GDPD4: variants seen among roughly 807,000 people sequenced by gnomAD.
GDPD4 encodes glycerophosphodiester phosphodiesterase 6.
GDPD4 carries 60 observed loss-of-function variants against 67.8 expected under a neutral mutation model. The ratio of observed to expected loss-of-function variants is 0.88; its 90% CI spans 0.72 to 1.10. The LOEUF (loss-of-function observed/expected upper bound fraction) is 1.10. Ranked by LOEUF, GDPD4 falls within the 50% of genes least tolerant of loss-of-function variation. The pLI is 0.00. For synonymous variants in GDPD4, 212 were observed against 210.9 expected (o/e 1.00, Z -0.04); for missense variants, 623 against 613.9 (o/e 1.01, Z -0.16).
intron 3 of GDPD4, 43 bp from the exon 4 acceptor site, chr11:77,279,442 C>T (rs1473576883): frequency 1.6e-6 from 2 of 1,224,056 alleles, no homozygotes; most frequent in Non-Finnish European, 2.4e-6. Flanking sequence ...ATGCAGAAAT[C>T]AGTAGCATCT....
At chr11:77,226,573 A>G (rs981290192) in intron 16 of GDPD4, among the ~76,000 whole-genome samples, 2 of 152,222 alleles carry the variant, frequency 1.3e-5, no homozygotes, top group African/African-American at 4.8e-5. Context: ...TAGCCTCCAG[A>G]ACTGTGAGAA....
chr11:77,219,798 G>T, intron 16 of GDPD4, among the ~76,000 whole-genome samples: 1 of 152,228 alleles, frequency 6.6e-6, no homozygotes, highest in Non-Finnish European at 1.5e-5. Flanking sequence ...AGTATAGTTT[G>T]AAGTCAGGTA....
intron 13 of GDPD4, among the ~76,000 whole-genome samples, chr11:77,240,346 T>G (rs867700235): frequency 5.3e-5 from 8 of 152,162 alleles, no homozygotes; most frequent in South Asian, 2.1e-4. Flanking sequence ...TCGTTATAGT[T>G]AATTGAATTT....
At chr11:77,218,800 T>C (rs1038536374) in intron 16 of GDPD4, among the ~76,000 whole-genome samples, 1 of 151,336 alleles carries the variant, frequency 6.6e-6, no homozygotes, top group Non-Finnish European at 1.5e-5. Flanking sequence ...TGATGGACAT[T>C]TGGGTTGGTT....
At chr11:77,269,488 G>C (rs890496960) in intron 8 of GDPD4, among the ~76,000 whole-genome samples, 35 of 152,120 alleles carry the variant, frequency 2.3e-4, no homozygotes, top group African/African-American at 8.2e-4. Context: ...ATAGTGGAAA[G>C]GGCACTAATT....
Position 77,227,015 on chromosome 11 carries a change from G to A in GDPD4, c.1525+849C>T, listed in dbSNP as rs146161285. ...AATTAAATTAAATTCATGATTTTGT[G>A]ACTGTTCCAACTTTAATTAAGTCTC... is the stretch of plus-strand genomic sequence containing the variant. On this transcript the variant is annotated intron_variant, in intron 16 of 16. Coordinates refer to ENST00000315938, the MANE Select transcript of GDPD4 (RefSeq NM_182833.3). Among the ~76,000 whole-genome samples the A allele has an allele frequency of 7.0e-4, 106 of 152,260 alleles. No individual in the cohort carries two copies. In the East Asian group the frequency reaches 0.017, roughly 25 times the overall value.
At chr11:77,223,413 T>A (rs112850552) in intron 16 of GDPD4, among the ~76,000 whole-genome samples, 3,756 of 152,298 alleles carry the variant, frequency 0.025, 164 homozygotes, top group African/African-American at 0.085. Flanking sequence ...CCTTTCTGTT[T>A]GTTAGTTTTC....
chr11:77,283,984 T>C (rs550820079), intron 3 of GDPD4, among the ~76,000 whole-genome samples: 4 of 151,858 alleles, frequency 2.6e-5, no homozygotes, highest in Non-Finnish European at 5.9e-5. Context: ...GCCTTCTAAG[T>C]AGCTGGGACT....
chr11:77,239,794 C>G (rs905655776), intron 13 of GDPD4, among the ~76,000 whole-genome samples: 4 of 152,024 alleles, frequency 2.6e-5, no homozygotes, highest in Non-Finnish European at 5.9e-5. Context: ...AACCTGGTCT[C>G]TACTAAAAAT....
intron 16 of GDPD4, among the ~76,000 whole-genome samples, chr11:77,217,692 A>G (rs1958150577): frequency 6.6e-6 from 1 of 152,258 alleles, no homozygotes; most frequent in Admixed American, 6.5e-5. Flanking sequence ...TTGCCACTAC[A>G]TATACAGTGC....
chr11:77,271,692 G>C (rs751262523), intron 5 of GDPD4, among the ~76,000 whole-genome samples: 1 of 152,142 alleles, frequency 6.6e-6, no homozygotes, highest in Non-Finnish European at 1.5e-5. Context: ...CCTCAACATT[G>C]CTTGGTATCT....
Position 77,283,613 on chromosome 11 carries a change from G to A in GDPD4, c.53+1472C>T, listed in dbSNP as rs533802034. 1.1e-3 allele frequency among the ~76,000 whole-genome samples: 166 copies of A among 151,998 alleles called. 2 individuals are homozygous for A. The highest frequency in any genetic ancestry group is 2.2e-4 in the Non-Finnish European group (15 of 68,006). ...CTGGCCCATAAATGAAACTGCAGAT[G>A]AACCAGTGAGAAGGCTAACTGAAAA... is the stretch of plus-strand genomic sequence containing the variant. On this transcript the variant is annotated intron_variant, in intron 3 of 16. Coordinates refer to ENST00000315938, the MANE Select transcript of GDPD4 (RefSeq NM_182833.3).
In GDPD4 at chr11:77,270,522, C is replaced by G. The variant is rs1804874617; in HGVS notation, c.401-562G>C. Reference sequence around the variant, plus strand: ...CACGAGGTTAAGAGATTGAGACCATCCTGGCCAACATGGTAAAACCCCATC... The same window carrying G: ...CACGAGGTTAAGAGATTGAGACCATGCTGGCCAACATGGTAAAACCCCATC... On this transcript the variant is annotated intron_variant, in intron 7 of 16. Coordinates refer to ENST00000315938, the MANE Select transcript of GDPD4 (RefSeq NM_182833.3). 3.3e-5 allele frequency among the ~76,000 whole-genome samples: 5 copies of G among 152,082 alleles called. No homozygotes were observed. The South Asian group carries it at 1.0e-3, about 32-fold the overall frequency.
At chr11:77,264,104 T>C (rs1376051456) in intron 10 of GDPD4, among the ~76,000 whole-genome samples, 4 of 152,186 alleles carry the variant, frequency 2.6e-5, no homozygotes, top group Admixed American at 6.5e-5. Flanking sequence ...TGGGCTTTTA[T>C]GCTAAAAATT....
chr11:77,252,523 C>T (rs796912507), intron 11 of GDPD4, among the ~76,000 whole-genome samples: 12 of 152,164 alleles, frequency 7.9e-5, no homozygotes, highest in African/African-American at 1.4e-4. Context: ...ATTTCCTTTT[C>T]GTTCAGGTCT....
At chr11:77,264,685 G>C (rs982548094) in intron 10 of GDPD4, among the ~76,000 whole-genome samples, 1 of 152,004 alleles carries the variant, frequency 6.6e-6, no homozygotes, top group Non-Finnish European at 1.5e-5. Context: ...AGCCTGATTG[G>C]GATAGGCTCA....
At chr11:77,246,507 G>A (rs1958787919) in intron 11 of GDPD4, among the ~76,000 whole-genome samples, 1 of 152,178 alleles carries the variant, frequency 6.6e-6, no homozygotes, top group South Asian at 2.1e-4. Context: ...ACATGTCTTA[G>A]TACATTAAAG....
chr11:77,219,738 ATC>A (rs201106749), intron 16 of GDPD4, among the ~76,000 whole-genome samples: 1,119 of 87,006 alleles, frequency 0.013, 18 homozygotes, highest in African/African-American at 0.039. Flanking sequence ...ATTGGTCTAT[ATC>A]TCTGTTTTGG....
chr11:77,219,310 A>T (rs1958183742), intron 16 of GDPD4, among the ~76,000 whole-genome samples: 1 of 152,068 alleles, frequency 6.6e-6, no homozygotes, highest in Non-Finnish European at 1.5e-5. Flanking sequence ...AGATTGCAAA[A>T]ATTTTCTCCC....
Sources: gnomAD v4.1 joint callset for allele counts (sites outside exome capture counted in the v4.1 genomes callset) on GRCh38, gnomAD v4.1.1 for gene constraint, MANE v1.5 for transcripts, NCBI Gene and HGNC (gene_info 2026-07-23, HGNC 2026-07-21) for gene names.